The following PMS2 variants were observed in gnomAD, a reference collection of about 807,000 sequenced individuals.
PMS2 encodes PMS1 homolog 2, mismatch repair system component, also known as mismatch repair endonuclease PMS2.
PMS2 carries 69 observed loss-of-function variants against 90.0 expected under a neutral mutation model. The ratio of observed to expected loss-of-function variants is 0.77; its 90% CI spans 0.63 to 0.94. The LOEUF (loss-of-function observed/expected upper bound fraction) is 0.94, where lower values mean the gene tolerates loss of function less well. Among genes scored for constraint, PMS2 ranks in the 40% least tolerant of loss-of-function variants. The pLI is 0.00. For synonymous variants in PMS2, 332 were observed against 375.1 expected (o/e 0.89, Z 1.33); for missense variants, 966 against 1,040.2 (o/e 0.93, Z 0.98).
intron 2 of PMS2, 98 bp from the exon 3 acceptor site, chr7:6,004,156 A>G (rs1157958074): frequency 4.1e-5 from 30 of 730,544 alleles, no homozygotes; most frequent in Admixed American, 6.6e-5. Context: ...TTTAAGAGTC[A>G]TAACTATACC....
In PMS2 at chr7:5,998,468, G is replaced by A. The variant is rs1372155299; in HGVS notation, c.705+640C>T. 7.3e-5 allele frequency among the ~76,000 whole-genome samples: 11 copies of A among 150,840 alleles called. No individual in the cohort carries two copies. In the South Asian group the frequency reaches 1.7e-3, roughly 23 times the overall value. On this transcript the variant is annotated intron_variant, in intron 6 of 14. Coordinates refer to ENST00000265849, the MANE Select transcript of PMS2 (RefSeq NM_000535.7). ...AGCACTTTGGGAGGCCGAGGCAGGC[G>A]GATCACTAGAGGTCAGGAGTTCGAG...
Position 5,995,516 on chromosome 7 carries a change from C to A in PMS2, c.903+18G>T. 1 of 1,572,676 alleles carries A rather than the reference C, an allele frequency of 6.4e-7. No homozygotes were observed. On this transcript the variant is annotated intron_variant, in intron 8 of 14. Coordinates refer to ENST00000265849, the MANE Select transcript of PMS2 (RefSeq NM_000535.7). ...CAAAGGCATAAAGAACAAACTAACA[C>A]AAAAAAATTTTAAATACCTTTGCTG...
At chr7:5,994,559 G>A (rs1784159990) in intron 8 of PMS2, among the ~76,000 whole-genome samples, 1 of 151,904 alleles carries the variant, frequency 6.6e-6, no homozygotes, top group African/African-American at 2.4e-5. Context: ...GGATCACGAG[G>A]TCAGGAGATC....
At chr7:5,996,577 T>TAAAA (rs775240349) in intron 7 of PMS2, among the ~76,000 whole-genome samples, 280 of 92,988 alleles carry the variant, frequency 3.0e-3, no homozygotes, top group Admixed American at 8.1e-3. Context: ...ATCTCAAAGC[T>TAAAA]AAAAAAAAAA....
At chr7:5,979,122 G>A (rs1782043390) in intron 12 of PMS2, among the ~76,000 whole-genome samples, 3 of 118,800 alleles carry the variant, frequency 2.5e-5, no homozygotes, top group Non-Finnish European at 5.1e-5. Context: ...TTTGAACCCA[G>A]GAGGGAGGCA....
At chr7:5,983,905 G>A (rs1007615745) in intron 11 of PMS2, among the ~76,000 whole-genome samples, 2 of 151,740 alleles carry the variant, frequency 1.3e-5, no homozygotes, top group Admixed American at 1.3e-4. Context: ...ACCTGCCTCG[G>A]CCTCCCAAAG....
rs1785422471 is a variant in PMS2, at chr7:6,004,022, T to C, written c.200A>G (p.Glu67Gly). Residue 67 changes from glutamate (E) to glycine (G), a missense_variant, in exon 3 of 15, where the codon GAA becomes GGA. Physicochemically the swap from Glu to Gly is moderately conservative, Grantham distance 98 (BLOSUM62 -2). This residue lies in a region of PMS2 where 871 missense variants were observed against 802.4 expected (regional missense o/e 1.09). Transcript: ENST00000265849. ...TACCCCACATCCATTGTCTGAAACT[T>C]CAATAAGATCCACTCCATAGTCCTT... ...KLKDYGVDLIEVSDNGCGVEE... is the reference protein window; with the variant it reads ...KLKDYGVDLIGVSDNGCGVEE... The C allele has an allele frequency of 6.2e-7, 1 of 1,603,404 alleles. No homozygotes were observed. The highest frequency in any genetic ancestry group is 8.5e-7 in the Non-Finnish European group (1 of 1,172,206).
intron 10 of PMS2, among the ~76,000 whole-genome samples, chr7:5,989,491 CAT>C (rs770725628): frequency 1.3e-5 from 2 of 151,772 alleles, no homozygotes; most frequent in African/African-American, 2.4e-5. Context: ...TTCTTCTAAT[CAT>C]ATATCTTATA....
In PMS2 at chr7:5,989,950, C is replaced by T. The variant is rs1236095389; in HGVS notation, c.994G>A (p.Val332Ile). ...TTATCTGGAGTAACATTGATATCAACGCATTCTAAGGCAAAAAAGAAAACA... is the reference window on the plus strand; with the variant it reads ...TTATCTGGAGTAACATTGATATCAATGCATTCTAAGGCAAAAAAGAAAACA... Reference protein sequence around the residue: ...VLNISVDSECVDINVTPDKRQ... With the variant: ...VLNISVDSECIDINVTPDKRQ... Residue 332 changes from valine to isoleucine, a missense_variant, in exon 10 of 15, where the codon GTT (valine) becomes ATT (isoleucine). Physicochemically the swap from Val to Ile is conservative, Grantham distance 29. Transcript: ENST00000265849. 22 of 1,596,500 alleles carry T rather than the reference C, an allele frequency of 1.4e-5. No homozygotes were observed. The highest frequency in any genetic ancestry group is 3.4e-5 in the South Asian group (3 of 89,362).
chr7:5,998,032 A>G (rs1784627874), intron 6 of PMS2, among the ~76,000 whole-genome samples: 1 of 152,056 alleles, frequency 6.6e-6, no homozygotes, highest in Non-Finnish European at 1.5e-5. Flanking sequence ...GAATAAAATG[A>G]AACACATTCA....
chr7:5,994,167 G>C (rs1784098043), intron 8 of PMS2, among the ~76,000 whole-genome samples: 1 of 151,958 alleles, frequency 6.6e-6, no homozygotes, highest in Admixed American at 6.6e-5. Context: ...CAGATCACGA[G>C]GTCAGGATTT....
chr7:5,983,303 G>A (rs546056292), intron 11 of PMS2, among the ~76,000 whole-genome samples: 90 of 151,556 alleles, frequency 5.9e-4, no homozygotes, highest in African/African-American at 2.1e-3. Flanking sequence ...TAGAGACAGA[G>A]TTCCACCATG....
At chr7:5,982,354 C>T (rs1254230902) in intron 12 of PMS2, among the ~76,000 whole-genome samples, 15 of 152,044 alleles carry the variant, frequency 9.9e-5, no homozygotes, top group South Asian at 2.1e-4. Context: ...TACAGGCGCC[C>T]GCCACCACGC....
chr7:6,001,712 G>A (rs1486998734), intron 5 of PMS2, among the ~76,000 whole-genome samples: 1 of 152,016 alleles, frequency 6.6e-6, no homozygotes, highest in African/African-American at 2.4e-5. Flanking sequence ...GGCCAGGCAT[G>A]GTGGCTCAGG....
In PMS2 at chr7:5,995,450, G is replaced by A. The variant is rs3815383; in HGVS notation, c.903+84C>T. The stretch of plus-strand genomic sequence containing the variant: ...TGTTTCTCAAAGTCCCGAGCTCCAC[G>A]TAAACTGCCTATTATCAGAAAAAAG... On this transcript the variant is annotated intron_variant, in intron 8 of 14. Transcript: ENST00000265849. 0.074 allele frequency: 61,772 copies of A among 836,554 alleles called. 4,767 individuals are homozygous for A. The highest frequency in any genetic ancestry group is 0.36 in the East Asian group (14,450 of 40,154). 51.8% of individuals were successfully genotyped at this position (836,554 alleles called of 1,614,324 possible).
chr7:5,981,539 T>C (rs921762799), intron 12 of PMS2, among the ~76,000 whole-genome samples: 20 of 149,550 alleles, frequency 1.3e-4, no homozygotes, highest in African/African-American at 5.0e-4. Flanking sequence ...TGCCCCTGCA[T>C]CCAACCTGCA....
At chr7:5,997,923 AC>A (rs1784613708) in intron 6 of PMS2, among the ~76,000 whole-genome samples, 1 of 151,968 alleles carries the variant, frequency 6.6e-6, no homozygotes, top group African/African-American at 2.4e-5. Flanking sequence ...GAAAGATGAA[AC>A]AAGTACCTAC....
chr7:6,003,921 G>A (rs1263659610), intron 3 of PMS2, 51 bp downstream of exon 3: 1 of 1,346,592 alleles, frequency 7.4e-7, no homozygotes, highest in Non-Finnish European at 1.1e-6. Flanking sequence ...TCAAAATTCT[G>A]AGACATGTGA....
At chr7:6,006,182 A>C (rs1236881623) in intron 1 of PMS2, 151 bp from the exon 2 acceptor site, 31 of 878,578 alleles carry the variant, frequency 3.5e-5, no homozygotes, top group Non-Finnish European at 5.0e-5. Flanking sequence ...TTATATCCAG[A>C]AATAGAAACA....
Sources: gnomAD v4.1 joint callset for allele counts (sites outside exome capture counted in the v4.1 genomes callset) on GRCh38, gnomAD v4.1.1 for gene constraint, gnomAD v4.1.1 regional missense constraint, MANE v1.5 for transcripts, NCBI Gene and HGNC (gene_info 2026-07-23, HGNC 2026-07-21) for gene names.